Variants in SLC25A13 observed in about 807,000 individuals in gnomAD.
SLC25A13 encodes solute carrier family 25 member 13.
SLC25A13 carries 70 observed loss-of-function variants against 85.5 expected under a neutral mutation model. The ratio of observed to expected loss-of-function variants is 0.82; its 90% CI spans 0.68 to 1.00. SLC25A13 has a LOEUF of 1.00. Ranked by LOEUF, SLC25A13 falls within the 50% of genes least tolerant of loss-of-function variation. The pLI, the probability that SLC25A13 is intolerant of heterozygous loss-of-function variation, is 0.00. For missense variants in SLC25A13, 765 were observed against 819.8 expected, an observed-to-expected ratio of 0.93 and a Z score of 0.82; for synonymous variants, 259 against 288.7, an observed-to-expected ratio of 0.90 and a Z score of 1.04.
intron 1 of SLC25A13, among the ~76,000 whole-genome samples, chr7:96,318,761 C>T (rs1266761647): frequency 6.6e-6 from 1 of 152,230 alleles, no homozygotes; most frequent in Non-Finnish European, 1.5e-5. Context: ...GTGGCTACAT[C>T]TATCCAGAAA....
intron 3 of SLC25A13, among the ~76,000 whole-genome samples, chr7:96,272,919 T>A (rs1798300746): frequency 6.6e-6 from 1 of 152,166 alleles, no homozygotes; most frequent in African/African-American, 2.4e-5. Context: ...GCTAAAACCA[T>A]CAGGTGAAAG....
At chr7:96,123,840 G>C (rs967723033) in intron 15 of SLC25A13, among the ~76,000 whole-genome samples, 2 of 152,180 alleles carry the variant, frequency 1.3e-5, no homozygotes, top group Non-Finnish European at 2.9e-5. Context: ...TGATTTTGGG[G>C]GCCAGGGTTG....
chr7:96,219,506 T>A (rs933485522), intron 4 of SLC25A13, among the ~76,000 whole-genome samples: 1 of 152,204 alleles, frequency 6.6e-6, no homozygotes, highest in Non-Finnish European at 1.5e-5. Context: ...TTGTGATTCT[T>A]ATGAAACTAG....
intron 11 of SLC25A13, among the ~76,000 whole-genome samples, chr7:96,179,719 T>C (rs950861511): frequency 6.6e-6 from 1 of 152,256 alleles, no homozygotes; most frequent in Non-Finnish European, 1.5e-5. Context: ...CTATCCATTT[T>C]GCAATCATTA....
At chr7:96,259,197 C>A (rs1484211111) in intron 3 of SLC25A13, among the ~76,000 whole-genome samples, 1 of 152,008 alleles carries the variant, frequency 6.6e-6, no homozygotes, top group Non-Finnish European at 1.5e-5. Context: ...GCAACAAAAG[C>A]CAAAATTGAC....
intron 3 of SLC25A13, among the ~76,000 whole-genome samples, chr7:96,273,380 C>G (rs7797308): frequency 0.69 from 104,896 of 152,098 alleles, 36,509 homozygotes; most frequent in African/African-American, 0.75. Flanking sequence ...GGGAGGTGAA[C>G]ACACCAGATC....
intron 5 of SLC25A13, among the ~76,000 whole-genome samples, chr7:96,194,434 C>T (rs558599590): frequency 2.2e-3 from 67 of 30,228 alleles, no homozygotes; most frequent in Admixed American, 4.0e-3. Flanking sequence ...CAGAGTGAAA[C>T]CTTGTCTCAA....
chr7:96,215,679 TA>T (rs1332567905), intron 4 of SLC25A13, among the ~76,000 whole-genome samples: 4 of 152,022 alleles, frequency 2.6e-5, no homozygotes, highest in Non-Finnish European at 5.9e-5. Context: ...AAACCGTGAA[TA>T]GTTTTAGAAG....
intron 7 of SLC25A13, among the ~76,000 whole-genome samples, chr7:96,190,716 G>A (rs1412332880): frequency 1.3e-5 from 2 of 152,018 alleles, no homozygotes; most frequent in East Asian, 1.9e-4. Context: ...AGGTTCAAGC[G>A]ATTCTTCTGC....
chr7:96,278,425 A>C (rs1260337651), intron 2 of SLC25A13, among the ~76,000 whole-genome samples: 1 of 152,222 alleles, frequency 6.6e-6, no homozygotes, highest in African/African-American at 2.4e-5. Context: ...TTATTTCTAC[A>C]TTTTAATTCC....
At chr7:96,203,958 C>T (rs181367240) in intron 5 of SLC25A13, among the ~76,000 whole-genome samples, 29 of 152,270 alleles carry the variant, frequency 1.9e-4, no homozygotes, top group African/African-American at 7.0e-4. Context: ...GAAAGTGCAA[C>T]AGAGTGGGAA....
chr7:96,271,864 T>TTATTA (rs913796820), intron 3 of SLC25A13, among the ~76,000 whole-genome samples: 1 of 151,820 alleles, frequency 6.6e-6, no homozygotes, highest in African/African-American at 2.4e-5. Context: ...CCAATTTATT[T>TTATTA]TATTATTTTA....
At chr7:96,220,061 G>A (rs142607562) in intron 4 of SLC25A13, among the ~76,000 whole-genome samples, 19 of 152,268 alleles carry the variant, frequency 1.2e-4, no homozygotes, top group African/African-American at 4.6e-4. Context: ...GCAGACTGTG[G>A]CCACTCTCCA....
chr7:96,179,195 G>A (rs1252353304), intron 11 of SLC25A13, among the ~76,000 whole-genome samples: 1 of 152,154 alleles, frequency 6.6e-6, no homozygotes, highest in Non-Finnish European at 1.5e-5. Context: ...AGATACTCCT[G>A]CAGTTTTTCA....
At chr7:96,225,690 A>C (rs752378436) in intron 4 of SLC25A13, among the ~76,000 whole-genome samples, 1 of 151,976 alleles carries the variant, frequency 6.6e-6, no homozygotes. Context: ...CACAGCTCCA[A>C]CCCTTCATGG....
At chr7:96,228,597 G>A (rs552164014) in intron 4 of SLC25A13, among the ~76,000 whole-genome samples, 4 of 152,158 alleles carry the variant, frequency 2.6e-5, no homozygotes, top group Non-Finnish European at 2.9e-5. Flanking sequence ...CGGCCTCGGC[G>A]CCCACTCTGG....
intron 15 of SLC25A13, among the ~76,000 whole-genome samples, chr7:96,129,464 TA>T (rs969757912): frequency 6.0e-5 from 9 of 151,202 alleles, no homozygotes; most frequent in Admixed American, 2.6e-4. Flanking sequence ...CTATTTCTCT[TA>T]AAAAAAAATA....
chr7:96,151,088 G>C (rs909014437), intron 13 of SLC25A13, among the ~76,000 whole-genome samples: 1 of 152,194 alleles, frequency 6.6e-6, no homozygotes, highest in Non-Finnish European at 1.5e-5. Context: ...GGGGACTACA[G>C]TGTGATTAGG....
chr7:96,294,360 C>T (rs935939088), intron 2 of SLC25A13, among the ~76,000 whole-genome samples: 1 of 152,162 alleles, frequency 6.6e-6, no homozygotes. Flanking sequence ...AGCACATCAA[C>T]ATGGCTCATG....
Sources: allele counts gnomAD v4.1 joint callset (sites outside exome capture counted in the v4.1 genomes callset), GRCh38; gene constraint gnomAD v4.1.1; transcripts MANE v1.5; gene names NCBI Gene and HGNC (gene_info 2026-07-23, HGNC 2026-07-21).